DENND2C: variants seen among roughly 807,000 people sequenced by gnomAD.
DENND2C encodes DENN domain-containing protein 2C.
DENND2C carries 72 observed loss-of-function variants against 112.4 expected under a neutral mutation model. The ratio of observed to expected loss-of-function variants is 0.64; its 90% CI spans 0.53 to 0.78. The LOEUF (loss-of-function observed/expected upper bound fraction) is 0.78, where lower values mean the gene tolerates loss of function less well. Ranked by LOEUF, DENND2C falls within the 30% of genes least tolerant of loss-of-function variation. The pLI, the probability that DENND2C is intolerant of heterozygous loss-of-function variation, is 0.00. For synonymous variants in DENND2C, 329 were observed against 381.6 expected (o/e 0.86, Z 1.61); for missense variants, 992 against 1,113.8 (o/e 0.89, Z 1.56).
chr1:114,637,060 T>G (rs1296080985), intron 3 of DENND2C, among the ~76,000 whole-genome samples: 3 of 149,830 alleles, frequency 2.0e-5, no homozygotes, highest in Non-Finnish European at 4.4e-5. Context: ...GCCTGGGCAA[T>G]ATGGTTAAAC....
intron 3 of DENND2C, among the ~76,000 whole-genome samples, chr1:114,626,874 T>G (rs1221906309): frequency 2.0e-5 from 3 of 152,038 alleles, no homozygotes; most frequent in Non-Finnish European, 4.4e-5. Flanking sequence ...TACACAGAAT[T>G]ACATCTCAAA....
intron 16 of DENND2C, 81 bp downstream of exon 16, chr1:114,599,193 T>A (rs1655425675): frequency 9.4e-7 from 1 of 1,062,104 alleles, no homozygotes; most frequent in African/African-American, 1.6e-5. Context: ...ATAACTAAAT[T>A]AATAACAATT....
chr1:114,668,553 A>ACACACACACACC (rs372707000), intron 1 of DENND2C, among the ~76,000 whole-genome samples: 16 of 148,612 alleles, frequency 1.1e-4, no homozygotes. Context: ...ACACACACAC[A>ACACACACACACC]CCCCAACTAA....
At chr1:114,651,508 G>C (rs1223663647) in intron 2 of DENND2C, among the ~76,000 whole-genome samples, 1 of 151,992 alleles carries the variant, frequency 6.6e-6, no homozygotes, top group Non-Finnish European at 1.5e-5. Context: ...GGAGGCTGAG[G>C]TGGGCAGATC....
chr1:114,641,866 G>C (rs1184040684), intron 3 of DENND2C, among the ~76,000 whole-genome samples: 2 of 152,000 alleles, frequency 1.3e-5, no homozygotes, highest in Non-Finnish European at 2.9e-5. Context: ...CAAAACTTGT[G>C]TTTTTATGAT....
At chr1:114,616,171 T>C (rs1372192666) in intron 8 of DENND2C, among the ~76,000 whole-genome samples, 1 of 151,638 alleles carries the variant, frequency 6.6e-6, no homozygotes, top group Non-Finnish European at 1.5e-5. Flanking sequence ...AGGTGGATCA[T>C]TTGAGGTCAG....
intron 3 of DENND2C, among the ~76,000 whole-genome samples, chr1:114,631,501 G>A (rs1408002449): frequency 6.6e-6 from 1 of 151,686 alleles, no homozygotes; most frequent in African/African-American, 2.4e-5. Flanking sequence ...AAGTAGAACC[G>A]GGCCAGGCGT....
chr1:114,600,431 CTTATA>C lies in DENND2C; in HGVS notation c.1957-84_1957-80del. ...TGCCAACGCTATGGATCCTGTTATT[CTTATA>C]TAAGTTAAATTCAAGAAAGGTCTGC... is the stretch of plus-strand genomic sequence containing the variant. On this transcript the variant is annotated intron_variant, in intron 14 of 20. Transcript: ENST00000393274. 25 of 1,552,944 alleles carry C rather than the reference CTTATA, an allele frequency of 1.6e-5. No individual in the cohort carries two copies. The South Asian group carries it at 2.6e-4, about 16-fold the overall frequency.
chr1:114,598,978 C>T (rs370286945), intron 16 of DENND2C, among the ~76,000 whole-genome samples: 354 of 152,196 alleles, frequency 2.3e-3, no homozygotes, highest in Middle Eastern at 6.8e-3. Flanking sequence ...CCACCATGCC[C>T]GGCCTTGAAA....
chr1:114,605,465 A>G (rs751214749), intron 10 of DENND2C, among the ~76,000 whole-genome samples: 24 of 152,210 alleles, frequency 1.6e-4, no homozygotes, highest in Non-Finnish European at 2.5e-4. Context: ...TTTCCAAACA[A>G]TAATCAAAGA....
chr1:114,594,704 T>C lies in DENND2C; in HGVS notation c.2326-126A>G, dbSNP rs184395598. The C allele has an allele frequency of 3.5e-4, 234 of 676,390 alleles. 1 individual carries two copies. In the African/African-American group the frequency reaches 3.5e-3, roughly 10 times the overall value. The allele number at this position is 676,390 out of a possible 1,614,324, so 41.9% of individuals were successfully genotyped here. On this transcript the variant is annotated intron_variant, in intron 17 of 20. Transcript: ENST00000393274. ...GTATATATTTTGGCTAAAGAGTCAG[T>C]CTGAAGTCTCCTTCCCTACATGAAG...
intron 11 of DENND2C, among the ~76,000 whole-genome samples, chr1:114,604,476 A>T (rs1239310030): frequency 6.6e-6 from 1 of 152,186 alleles, no homozygotes; most frequent in African/African-American, 2.4e-5. Flanking sequence ...CTCCCTTTGT[A>T]CAGGTTCCAC....
In DENND2C at chr1:114,608,841, A is replaced by G. The variant is rs762166061; in HGVS notation, c.1402T>C (p.Ser468Pro). Residue 468 changes from serine (S) to proline (P), a missense_variant, in exon 10 of 21, where the codon TCT (serine) becomes CCT (proline). Transcript: ENST00000393274. ...TGGTAGTGAGGATTCCTCTTGGAAGACGGTTGCAGTTGTGCTAAGCGTTTA... is the reference window on the plus strand; with the variant it reads ...TGGTAGTGAGGATTCCTCTTGGAAGGCGGTTGCAGTTGTGCTAAGCGTTTA... ...RHKRLAQLQP[S>P]SKRNPHYQTL... is the part of the protein sequence containing the mutation. 5.6e-6 allele frequency: 9 copies of G among 1,614,210 alleles called. No homozygotes were observed. The East Asian group carries it at 1.8e-4, about 32-fold the overall frequency.
At chr1:114,589,430 G>A (rs1005149517) in intron 18 of DENND2C, among the ~76,000 whole-genome samples, 9 of 152,198 alleles carry the variant, frequency 5.9e-5, no homozygotes, top group Non-Finnish European at 1.3e-4. Flanking sequence ...CATTTTGACT[G>A]TAATCTAGGT....
intron 18 of DENND2C, among the ~76,000 whole-genome samples, chr1:114,592,407 G>A (rs994778862): frequency 6.6e-6 from 1 of 151,928 alleles, no homozygotes; most frequent in Non-Finnish European, 1.5e-5. Flanking sequence ...GGCTATTCTT[G>A]GCCCTTTGTA....
chr1:114,650,673 C>CAAAAAAA (rs58693255), intron 2 of DENND2C, among the ~76,000 whole-genome samples: 1 of 61,610 alleles, frequency 1.6e-5, no homozygotes. Flanking sequence ...GACTCCGTCT[C>CAAAAAAA]AAAAAAAAAA....
chr1:114,630,178 G>A lies in DENND2C; in HGVS notation c.-204-3990C>T, dbSNP rs185657104. Among the ~76,000 whole-genome samples the A allele has an allele frequency of 2.1e-3, 321 of 151,994 alleles. 2 individuals carry two copies. The highest frequency in any genetic ancestry group is 7.1e-3 in the African/African-American group (296 of 41,486). ...AAATTAGCTGGGCATGGTGGCATAC[G>A]CCTGTCATCCCAGCTACTACTCAGG... On this transcript the variant is annotated intron_variant, in intron 3 of 20. Transcript: ENST00000393274.
At chr1:114,619,776 A>G (rs1166431613) in intron 7 of DENND2C, among the ~76,000 whole-genome samples, 2 of 152,228 alleles carry the variant, frequency 1.3e-5, no homozygotes, top group Non-Finnish European at 2.9e-5. Context: ...CATAATTATT[A>G]ATTTGCATTT....
intron 18 of DENND2C, 95 bp from the exon 19 acceptor site, chr1:114,588,047 G>A: frequency 9.6e-7 from 1 of 1,040,838 alleles, no homozygotes; most frequent in South Asian, 1.6e-5. Flanking sequence ...TGCCTAAGAA[G>A]TTATAGATTA....
Sources: gnomAD v4.1 joint callset for allele counts (sites outside exome capture counted in the v4.1 genomes callset) on GRCh38, gnomAD v4.1.1 for gene constraint, MANE v1.5 for transcripts, NCBI Gene and HGNC (gene_info 2026-07-23, HGNC 2026-07-21) for gene names.